Variants in ERCC3 observed in about 807,000 individuals in gnomAD.
ERCC3 encodes general transcription and DNA repair factor IIH helicase/translocase subunit XPB.
A neutral mutation model predicts 94.2 loss-of-function variants in ERCC3; 66 were observed. The observed-to-expected ratio is 0.70, with a 90% CI of 0.57 to 0.86. The LOEUF is 0.86. Ranked by LOEUF, ERCC3 falls within the 40% of genes least tolerant of loss-of-function variation. ERCC3 has a pLI of 0.00. For synonymous variants in ERCC3, 349 were observed against 369.1 expected, an observed-to-expected ratio of 0.95 and a Z score of 0.63; for missense variants, 829 against 987.1, an observed-to-expected ratio of 0.84 and a Z score of 2.15.
chr2:127,259,524 A>C lies in ERCC3; in HGVS notation c.2065-76T>G, dbSNP rs2104729330. The stretch of plus-strand genomic sequence containing the variant: ...CCCTCCTCTGCCTTCTCCTGGGTCC[A>C]CCTGCTTTGGTCACTTCCCTCCCCA... On this transcript the variant is annotated intron_variant, in intron 13 of 14. Coordinates refer to ENST00000285398, the MANE Select transcript of ERCC3 (RefSeq NM_000122.2). The surrounding 1 kb of genome is among the most constrained non-coding windows in gnomAD (Gnocchi z 4.9). The C allele has an allele frequency of 6.3e-7, 1 of 1,597,052 alleles. No individual in the cohort carries two copies. Among genetic ancestry groups the C allele is most frequent in the Non-Finnish European group, 8.5e-7 (1 of 1,170,490 alleles).
Position 127,271,292 on chromosome 2 carries a change from A to T in ERCC3, c.1945+44T>A. The T allele has an allele frequency of 7.4e-7, 1 of 1,342,414 alleles. No homozygotes were observed. The highest frequency in any genetic ancestry group is 1.1e-6 in the Non-Finnish European group (1 of 931,830). The allele number at this position is 1,342,414 out of a possible 1,614,324, so 83.2% of individuals were successfully genotyped here. ...ATCGTCTTCCTAACTAAAGTGGTTT[A>T]AGAGGAGTGACCTCCTGCAACAGAA... On this transcript the variant is annotated intron_variant, in intron 12 of 14. Transcript: ENST00000285398. This position sits in a 1 kb window ranked among gnomAD's most constrained non-coding sequence, Gnocchi z 5.0.
chr2:127,279,530 G>A lies in ERCC3; in HGVS notation c.1528-155C>T, dbSNP rs1684841699. On this transcript the variant is annotated intron_variant, in intron 9 of 14. Transcript: ENST00000285398. The surrounding 1 kb of genome is among the most constrained non-coding windows in gnomAD (Gnocchi z 4.7). ...TAATGCCAGCAGTTTGGGAGGCTGA[G>A]GCAGGCAGATCACTTGAGGCCAGGA... Among the ~76,000 whole-genome samples, 1 of 152,210 alleles carries A rather than the reference G, an allele frequency of 6.6e-6. No individual in the cohort carries two copies. Among genetic ancestry groups the A allele is most frequent in the African/African-American group, 2.4e-5 (1 of 41,448 alleles).
intron 8 of ERCC3, among the ~76,000 whole-genome samples, chr2:127,285,716 T>C (rs920259749): frequency 1.3e-5 from 2 of 151,002 alleles, no homozygotes; most frequent in Non-Finnish European, 2.9e-5. Flanking sequence ...CCGGGTGTGG[T>C]AGTACACACC....
chr2:127,272,715 AG>A, intron 11 of ERCC3, 149 bp downstream of exon 11: 1 of 653,634 alleles, frequency 1.5e-6, no homozygotes, highest in African/African-American at 1.8e-5. Flanking sequence ...AACCCCAGGC[AG>A]TGCCCCCTAT....
rs4150428 is a variant in ERCC3, at chr2:127,285,229, A to C, written c.1342+1474T>G. On this transcript the variant is annotated intron_variant, in intron 8 of 14. Transcript: ENST00000285398. ...TCATCTGAAGCTAGATAGAGAAACAAAGATTGACTGCAAATGAGTACAAAG... is the reference window on the plus strand; with the variant it reads ...TCATCTGAAGCTAGATAGAGAAACACAGATTGACTGCAAATGAGTACAAAG... Among the ~76,000 whole-genome samples, 87 of 152,326 alleles carry C rather than the reference A, an allele frequency of 5.7e-4. No individual in the cohort carries two copies. In the South Asian group the frequency reaches 0.017, roughly 29 times the overall value.
Position 127,277,328 on chromosome 2 carries a change from T to C in ERCC3, c.1730+1845A>G, listed in dbSNP as rs1207508797. Among the ~76,000 whole-genome samples, 2 of 152,128 alleles carry C rather than the reference T, an allele frequency of 1.3e-5. No individual in the cohort carries two copies. The highest frequency in any genetic ancestry group is 3.9e-4 in the East Asian group (2 of 5,194). On this transcript the variant is annotated intron_variant, in intron 10 of 14. Coordinates refer to ENST00000285398, the MANE Select transcript of ERCC3 (RefSeq NM_000122.2). The surrounding 1 kb of genome is among the most constrained non-coding windows in gnomAD (Gnocchi z 5.1). The stretch of plus-strand genomic sequence containing the variant: ...ACTTTGGAGGGGAATAATTATTCAA[T>C]GCACAGAAAACCAAGCAAAAACAAT...
At chr2:127,288,963 T>C in intron 6 of ERCC3, 99 bp from the exon 7 acceptor site, 1 of 1,031,000 alleles carries the variant, frequency 9.7e-7, no homozygotes, top group Non-Finnish European at 1.5e-6. Context: ...TGGCATTCTA[T>C]CTAAACTTCT....
chr2:127,288,814 C>A lies in ERCC3; in HGVS notation c.873G>T (p.Leu291=), dbSNP rs770207939. The change falls in exon 7 of 15, where the codon CTG becomes CTT. Residue 291 remains leucine (L), a synonymous_variant. Coordinates refer to ENST00000285398, the MANE Select transcript of ERCC3 (RefSeq NM_000122.2). Reference sequence around the variant, plus strand: ...CATTCCGGAAGTCATATTCTGCCAACAGAGGGTACTCCAGGTGGATGCAAC... The same window carrying A: ...CATTCCGGAAGTCATATTCTGCCAAAAGAGGGTACTCCAGGTGGATGCAAC... ...QKRCIHLEYP[L]LAEYDFRNDS... 7 of 1,613,996 alleles carry A rather than the reference C, an allele frequency of 4.3e-6. No homozygotes were observed. The highest frequency in any genetic ancestry group is 2.7e-5 in the African/African-American group (2 of 74,904).
At chr2:127,269,597 A>G (rs940104693) in intron 12 of ERCC3, among the ~76,000 whole-genome samples, 4 of 150,858 alleles carry the variant, frequency 2.7e-5, no homozygotes, top group African/African-American at 9.7e-5. Flanking sequence ...AATTTTTTGT[A>G]TTTTTAGTAG....
At chr2:127,281,786 C>A (rs572395022) in intron 8 of ERCC3, among the ~76,000 whole-genome samples, 2 of 152,138 alleles carry the variant, frequency 1.3e-5, no homozygotes, top group South Asian at 2.1e-4. Flanking sequence ...CACACACACA[C>A]AACACAGAAA....
chr2:127,261,195 C>T lies in ERCC3; in HGVS notation c.2064+33G>A, dbSNP rs368196350. 7 of 1,296,548 alleles carry T rather than the reference C, an allele frequency of 5.4e-6. 1 individual carries two copies. Among genetic ancestry groups the T allele is most frequent in the African/African-American group, 2.9e-5 (2 of 68,844 alleles). 80.3% of individuals were successfully genotyped at this position (1,296,548 alleles called of 1,614,324 possible). ...GCCAGGGTATCAAGAAGGCCTTGGT[C>T]CTAGTCTAACCAGAAGCCAAATGGA... On this transcript the variant is annotated intron_variant, in intron 13 of 14. Transcript: ENST00000285398.
Position 127,259,765 on chromosome 2 carries a change from G to A in ERCC3, c.2065-317C>T, listed in dbSNP as rs55874274. On this transcript the variant is annotated intron_variant, in intron 13 of 14. Coordinates refer to ENST00000285398, the MANE Select transcript of ERCC3 (RefSeq NM_000122.2). This position sits in a 1 kb window ranked among gnomAD's most constrained non-coding sequence, Gnocchi z 4.9. ...CTTAGTGATTTTAAAAGGCTCCTTC[G>A]GGTAGCCTTCACATCTTGGAGCAGA... The A allele has an allele frequency of 3.0e-5, 12 of 396,074 alleles. No individual in the cohort carries two copies. Among genetic ancestry groups the A allele is most frequent in the East Asian group, 2.4e-4 (4 of 16,964 alleles). 24.5% of individuals were successfully genotyped at this position (396,074 alleles called of 1,614,324 possible).
chr2:127,281,484 C>A (rs1478211357), intron 8 of ERCC3, among the ~76,000 whole-genome samples: 1 of 152,104 alleles, frequency 6.6e-6, no homozygotes, highest in Admixed American at 6.5e-5. Context: ...TTTTAAAAAA[C>A]CTAATTTATG....
intron 13 of ERCC3, chr2:127,260,187 C>A: frequency 6.5e-6 from 1 of 154,678 alleles, no homozygotes; most frequent in Non-Finnish European, 1.4e-5. Flanking sequence ...CACTCCACGT[C>A]ATGACTCTGG....
chr2:127,270,184 C>T (rs936198839), intron 12 of ERCC3, among the ~76,000 whole-genome samples: 1 of 152,186 alleles, frequency 6.6e-6, no homozygotes, highest in Non-Finnish European at 1.5e-5. Context: ...CACACCACCA[C>T]GCCCAGCTAG....
chr2:127,293,884 G>A (rs1216219677), intron 1 of ERCC3, 166 bp from the exon 2 acceptor site: 1 of 1,528,934 alleles, frequency 6.5e-7, no homozygotes. Flanking sequence ...AGTTCGCTGG[G>A]CTGCGCCCAG....
intron 10 of ERCC3, among the ~76,000 whole-genome samples, chr2:127,276,698 A>C (rs1210981485): frequency 1.3e-5 from 2 of 152,248 alleles, no homozygotes; most frequent in African/African-American, 4.8e-5. Context: ...CAACAAAAAA[A>C]CAGAAATTCT....
rs1201692090 is a variant in ERCC3, at chr2:127,274,463, G to A, written c.1731-1502C>T. On this transcript the variant is annotated intron_variant, in intron 10 of 14. Coordinates refer to ENST00000285398, the MANE Select transcript of ERCC3 (RefSeq NM_000122.2). This position sits in a 1 kb window ranked among gnomAD's most constrained non-coding sequence, Gnocchi z 4.0. ...CCTGAGCAGGTGGAACCTGGGAGTG[G>A]CTGCTCCACTGCCGAGGCCCGTTAG... Among the ~76,000 whole-genome samples, 1 of 152,220 alleles carries A rather than the reference G, an allele frequency of 6.6e-6. No homozygotes were observed. Among genetic ancestry groups the A allele is most frequent in the Non-Finnish European group, 1.5e-5 (1 of 68,042 alleles).
intron 2 of ERCC3, 88 bp from the exon 3 acceptor site, chr2:127,292,934 A>G (rs962235414): frequency 9.5e-6 from 8 of 843,418 alleles, no homozygotes; most frequent in African/African-American, 1.7e-5. Flanking sequence ...TCAAGAAAGA[A>G]TAAGCTGCCC....
Sources: allele counts gnomAD v4.1 joint callset (sites outside exome capture counted in the v4.1 genomes callset), GRCh38; gene constraint gnomAD v4.1.1; non-coding constraint Gnocchi (gnomAD v3.1); transcripts MANE v1.5; gene names NCBI Gene and HGNC (gene_info 2026-07-23, HGNC 2026-07-21).